IRAG1: variants seen among roughly 807,000 people sequenced by gnomAD.
IRAG1 encodes inositol 1,4,5-triphosphate receptor associated 1, also known as IP3R-associated cGMP kinase substrate.
Under a neutral mutation model 106.2 loss-of-function variants are expected in IRAG1, and 62 were observed. That is an observed-to-expected ratio of 0.58 (90% CI 0.48 to 0.72). The LOEUF is 0.72. IRAG1 is among the 30% of genes least tolerant of loss of function. The pLI is 0.00. For synonymous variants in IRAG1, 462 were observed against 443.9 expected, an observed-to-expected ratio of 1.04 and a Z score of -0.51; for missense variants, 1,064 against 1,140.7, an observed-to-expected ratio of 0.93 and a Z score of 0.97.
At chr11:10,654,677 C>A (rs978931935) in intron 1 of IRAG1, among the ~76,000 whole-genome samples, 17 of 152,176 alleles carry the variant, frequency 1.1e-4, no homozygotes, top group African/African-American at 4.1e-4. Flanking sequence ...TGAGAAGTTG[C>A]AGGACCCCAG....
Position 10,626,173 on chromosome 11 carries a change from G to A in IRAG1, c.1161C>T (p.Pro387=). ...KAELPPTVSR[P]PLLRGLSWDS... The stretch of plus-strand genomic sequence containing the variant: ...CCCAGGAGAGCCCTCGCAGCAGCGG[G>A]GGCCGGGACACAGTGGGTGGAAGCT... Residue 387 remains proline (P), a synonymous_variant, in exon 9 of 21, where the codon CCC becomes CCT. Transcript: ENST00000423302. 2 of 1,544,364 alleles carry A rather than the reference G, an allele frequency of 1.3e-6. No individual in the cohort carries two copies. Among genetic ancestry groups the A allele is most frequent in the Non-Finnish European group, 1.7e-6 (2 of 1,144,800 alleles).
At position 10,652,041 on chromosome 11, in the gene IRAG1, T is replaced by TG; in HGVS notation, c.208dup (p.Gln70ProfsTer72). ...GGCACTTACTTGGCCGGCAGGGCTC[T>TG]GGGCTGCCTGTGGCTCTCCGGGGGG... On this transcript the variant is annotated frameshift_variant, in exon 2 of 21. Coordinates refer to ENST00000423302, the MANE Select transcript of IRAG1 (RefSeq NM_130385.4). LOFTEE classifies it high-confidence loss of function. The TG allele has an allele frequency of 6.3e-7, 1 of 1,580,644 alleles. No homozygotes were observed. Among genetic ancestry groups the TG allele is most frequent in the South Asian group, 1.2e-5 (1 of 86,594 alleles).
chr11:10,602,865 A>G (rs1431175374), intron 14 of IRAG1, among the ~76,000 whole-genome samples: 1 of 152,180 alleles, frequency 6.6e-6, no homozygotes, highest in Non-Finnish European at 1.5e-5. Context: ...ATGTGTTAGA[A>G]ATTTCCAAGA....
chr11:10,636,011 C>T (rs1857121707), intron 2 of IRAG1, among the ~76,000 whole-genome samples: 1 of 152,138 alleles, frequency 6.6e-6, no homozygotes, highest in South Asian at 2.1e-4. Context: ...TGTGTAGAAG[C>T]AGAAGGAAGC....
Position 10,626,712 on chromosome 11 carries a change from G to T in IRAG1, c.751-129C>A, listed in dbSNP as rs185167927. ...GGGCCCATTTGTATAAGTGTGTATG[G>T]GGTATGAGTGGACGATGTGGAAGGA... On this transcript the variant is annotated intron_variant, in intron 8 of 20. Transcript: ENST00000423302. The T allele has an allele frequency of 2.0e-4, 216 of 1,079,830 alleles. 1 individual carries two copies. In the East Asian group the frequency reaches 3.3e-3, roughly 16 times the overall value. The allele number at this position is 1,079,830 out of a possible 1,614,324, so 66.9% of individuals were successfully genotyped here. A position where few individuals can be genotyped will look rare whatever the true frequency, so the allele number is the denominator to read the frequency against.
rs931580832 is a variant in IRAG1, at chr11:10,574,809, C to T, written c.*1523G>A. On this transcript the variant is annotated 3_prime_UTR_variant, in exon 21 of 21. Transcript: ENST00000423302. ...ACCATCAGAAGAGTCAAGGAGAGCACAGCTCTGGAGCCAGCCTACCCTGGG... is the reference window on the plus strand; with the variant it reads ...ACCATCAGAAGAGTCAAGGAGAGCATAGCTCTGGAGCCAGCCTACCCTGGG... The T allele has an allele frequency of 1.3e-5, 2 of 152,206 alleles. No homozygotes were observed. Among genetic ancestry groups the T allele is most frequent in the Non-Finnish European group, 2.9e-5 (2 of 68,038 alleles). The allele number at this position is 152,206 out of a possible 1,614,324, so 9.4% of individuals were successfully genotyped here.
At chr11:10,602,021 C>T (rs922554363) in intron 14 of IRAG1, among the ~76,000 whole-genome samples, 10 of 152,256 alleles carry the variant, frequency 6.6e-5, no homozygotes, top group African/African-American at 2.2e-4. Flanking sequence ...AGCTCAGGCC[C>T]TGCCTGGCCA....
chr11:10,601,021 C>T lies in IRAG1; in HGVS notation c.1914G>A (p.Gln638=). The change falls in exon 15 of 21, where the codon CAG becomes CAA. Residue 638 remains glutamine (Q), a synonymous_variant. Coordinates refer to ENST00000423302, the MANE Select transcript of IRAG1 (RefSeq NM_130385.4). The part of the protein sequence containing the change: ...RMSKATEVMM[Q]YVENLKRTYE... ...ACGTCCTCTTTAGATTCTCCACATA[C>T]TGCATCATCACTTCCGTTGCTTTCG... The T allele has an allele frequency of 1.2e-6, 2 of 1,614,096 alleles. No homozygotes were observed. The highest frequency in any genetic ancestry group is 1.7e-6 in the Non-Finnish European group (2 of 1,179,904).
At chr11:10,584,548 A>AT (rs1851733088) in intron 18 of IRAG1, among the ~76,000 whole-genome samples, 1 of 98,580 alleles carries the variant, frequency 1.0e-5, no homozygotes, top group Non-Finnish European at 2.1e-5. Flanking sequence ...TCTTTCATGA[A>AT]ATATATATAT....
intron 16 of IRAG1, 123 bp downstream of exon 16, chr11:10,594,023 T>C: frequency 1.1e-6 from 1 of 936,080 alleles, no homozygotes; most frequent in Non-Finnish European, 1.6e-6. Flanking sequence ...GAAAGCCGAA[T>C]AGAAACTCTG....
At chr11:10,645,568 C>T (rs1857875303) in intron 2 of IRAG1, among the ~76,000 whole-genome samples, 1 of 152,220 alleles carries the variant, frequency 6.6e-6, no homozygotes, top group South Asian at 2.1e-4. Flanking sequence ...ATGGGGGTGA[C>T]TCTCTCTGCT....
chr11:10,580,719 G>C, intron 19 of IRAG1, 130 bp from the exon 20 acceptor site: 1 of 1,134,172 alleles, frequency 8.8e-7, no homozygotes, highest in Non-Finnish European at 1.2e-6. Flanking sequence ...CACAAAACAG[G>C]AAAAAGCTGG....
intron 1 of IRAG1, among the ~76,000 whole-genome samples, chr11:10,654,108 C>T (rs888023690): frequency 6.6e-6 from 1 of 152,130 alleles, no homozygotes; most frequent in African/African-American, 2.4e-5. Context: ...GGAGGAAGAA[C>T]CGGAAAGCCC....
chr11:10,685,836 A>G (rs913069652), intron 1 of IRAG1, among the ~76,000 whole-genome samples: 4 of 152,240 alleles, frequency 2.6e-5, no homozygotes, highest in East Asian at 1.9e-4. Flanking sequence ...AACCAGGCTT[A>G]GGGATAGGTC....
chr11:10,662,441 A>G (rs535155122), intron 1 of IRAG1, among the ~76,000 whole-genome samples: 1 of 152,328 alleles, frequency 6.6e-6, no homozygotes, highest in Non-Finnish European at 1.5e-5. Context: ...AAAACCTCAC[A>G]AAAGGCCAGG....
Position 10,604,500 on chromosome 11 carries a change from T to C in IRAG1, c.1648A>G (p.Thr550Ala), listed in dbSNP as rs772733744. 7 of 1,613,872 alleles carry C rather than the reference T, an allele frequency of 4.3e-6. No individual in the cohort carries two copies. The highest frequency in any genetic ancestry group is 5.9e-6 in the Non-Finnish European group (7 of 1,179,890). The change falls in exon 13 of 21, where the codon ACT (threonine) becomes GCT (alanine). Residue 550 changes from threonine to alanine, a missense_variant. Physicochemically the swap from Thr to Ala is moderately conservative, Grantham distance 58 (BLOSUM62 0). Transcript: ENST00000423302. The stretch of plus-strand genomic sequence containing the variant: ...GCCTGGTTAATTCTAGATTCCAGAG[T>C]GTAGCTGTCATTTCTAAAGGCCAAG... ...LSLAFRNDSY[T>A]LESRINQAER...
intron 18 of IRAG1, among the ~76,000 whole-genome samples, chr11:10,583,432 C>T (rs1403822278): frequency 6.6e-6 from 1 of 152,138 alleles, no homozygotes; most frequent in African/African-American, 2.4e-5. Flanking sequence ...GAAGAGTAAA[C>T]AGTGCCACAC....
chr11:10,644,777 G>C (rs938324261), intron 2 of IRAG1, among the ~76,000 whole-genome samples: 1 of 152,140 alleles, frequency 6.6e-6, no homozygotes, highest in South Asian at 2.1e-4. Context: ...ACAGATAATT[G>C]ATCCTTTGGG....
Position 10,591,593 on chromosome 11 carries a change from T to G in IRAG1, c.2195A>C (p.Lys732Thr). The G allele has an allele frequency of 1.3e-6, 2 of 1,597,096 alleles. No individual in the cohort carries two copies. Among genetic ancestry groups the G allele is most frequent in the South Asian group, 2.3e-5 (2 of 87,678 alleles). The change falls in exon 18 of 21, where the codon AAA becomes ACA. Residue 732 changes from lysine (K) to threonine (T), a missense_variant. Physicochemically the swap from Lys to Thr is moderately conservative, Grantham distance 78. Transcript: ENST00000423302. ...TGCTGAAGTGACAGGTAGGCTGCCT[T>G]TCCCATTGGGTGATTCCGACTGAGT... ...LPALSESPNG[K>T]GSLPVTSALP... is the part of the protein sequence containing the mutation.
Sources: gnomAD v4.1 joint callset for allele counts (sites outside exome capture counted in the v4.1 genomes callset) on GRCh38, gnomAD v4.1.1 for gene constraint, MANE v1.5 for transcripts, NCBI Gene and HGNC (gene_info 2026-07-23, HGNC 2026-07-21) for gene names.